MAGI1: variants seen among roughly 807,000 people sequenced by gnomAD.
MAGI1 encodes the protein membrane associated guanylate kinase, WW and PDZ domain containing 1.
A neutral mutation model predicts 139.9 loss-of-function variants in MAGI1; 58 were observed. The observed-to-expected ratio is 0.41, with a 90% CI of 0.34 to 0.52. The LOEUF (loss-of-function observed/expected upper bound fraction) is 0.52. MAGI1 is among the 20% of genes least tolerant of loss of function. The probability of loss-of-function intolerance (pLI) is 0.12; values close to 1 mark genes in which losing one functional copy is unlikely to be tolerated. For synonymous variants in MAGI1, 812 were observed against 737.9 expected (o/e 1.10, Z -1.63); for missense variants, 1,874 against 1,901.6 (o/e 0.99, Z 0.27).
At chr3:65,673,049 T>C (rs1195755133) in intron 1 of MAGI1, among the ~76,000 whole-genome samples, 1 of 152,124 alleles carries the variant, frequency 6.6e-6, no homozygotes, top group African/African-American at 2.4e-5. Context: ...GGGCATCACA[T>C]AAATGACCGC....
chr3:65,864,692 C>T (rs955211224), intron 1 of MAGI1, among the ~76,000 whole-genome samples: 2 of 152,036 alleles, frequency 1.3e-5, no homozygotes, highest in Non-Finnish European at 2.9e-5. Context: ...GCCTCCGTAA[C>T]TCTGCCACCT....
At chr3:65,496,599 G>C (rs763978071) in intron 2 of MAGI1, among the ~76,000 whole-genome samples, 2 of 152,130 alleles carry the variant, frequency 1.3e-5, no homozygotes, top group Non-Finnish European at 2.9e-5. Context: ...CCATCATCAA[G>C]GTATTAAGCG....
intron 12 of MAGI1, among the ~76,000 whole-genome samples, chr3:65,417,652 A>C (rs6779951): frequency 0.98 from 149,632 of 152,158 alleles, 73,614 homozygotes; most frequent in East Asian, 1. Flanking sequence ...GTATGATATC[A>C]TTGCCTTTCT....
intron 20 of MAGI1, 132 bp downstream of exon 20, chr3:65,364,533 T>C (rs1174847354): frequency 5.4e-6 from 4 of 744,788 alleles, no homozygotes; most frequent in African/African-American, 5.3e-5. Flanking sequence ...TAAGTATACG[T>C]TTGGTAAATC....
At chr3:66,033,611 C>A (rs1487978247) in intron 1 of MAGI1, among the ~76,000 whole-genome samples, 6 of 152,126 alleles carry the variant, frequency 3.9e-5, no homozygotes, top group Non-Finnish European at 7.4e-5. Context: ...AAACAAAAAA[C>A]CACACAAAGA....
chr3:65,592,772 T>C (rs191610586), intron 2 of MAGI1, among the ~76,000 whole-genome samples: 6 of 152,308 alleles, frequency 3.9e-5, no homozygotes, highest in Non-Finnish European at 5.9e-5. Flanking sequence ...TGCTTGACTT[T>C]TCTGCAAGCA....
At chr3:65,787,022 C>A (rs1390240) in intron 1 of MAGI1, among the ~76,000 whole-genome samples, 1 of 150,962 alleles carries the variant, frequency 6.6e-6, no homozygotes, top group Non-Finnish European at 1.5e-5. Context: ...CACAAGCACA[C>A]AACATTTCAT....
chr3:65,543,679 C>T (rs2079355409), intron 2 of MAGI1, among the ~76,000 whole-genome samples: 7 of 151,966 alleles, frequency 4.6e-5, no homozygotes, highest in Admixed American at 4.6e-4. Context: ...CATATTCTCA[C>T]TCATAAGTGG....
In MAGI1 at chr3:65,589,699, C is replaced by T. The variant is rs189244107; in HGVS notation, c.430+32273G>A. Among the ~76,000 whole-genome samples, 294 of 151,932 alleles carry T rather than the reference C, an allele frequency of 1.9e-3. 4 individuals carry two copies. The highest frequency in any genetic ancestry group is 6.9e-3 in the African/African-American group (286 of 41,440). On this transcript the variant is annotated intron_variant, in intron 2 of 22. Coordinates refer to ENST00000402939, the MANE Select transcript of MAGI1 (RefSeq NM_001033057.2). The stretch of plus-strand genomic sequence containing the variant: ...CAACACTCCCAATGTGGCATAAAAG[C>T]AGCCATAAAAAAAAATACAATAACC...
At chr3:65,530,624 G>GTGTGTGT (rs1204700107) in intron 2 of MAGI1, among the ~76,000 whole-genome samples, 2 of 129,282 alleles carry the variant, frequency 1.5e-5, no homozygotes, top group African/African-American at 6.4e-5. Context: ...ATGTGTGTGT[G>GTGTGTGT]GTGTGTGTGT....
At chr3:65,601,082 GCTGA>G (rs1340841211) in intron 2 of MAGI1, among the ~76,000 whole-genome samples, 12 of 152,202 alleles carry the variant, frequency 7.9e-5, no homozygotes, top group African/African-American at 2.7e-4. Context: ...CAGAGAAAGT[GCTGA>G]CTAAGTATTA....
At chr3:65,365,139 G>T (rs1481816198) in intron 18 of MAGI1, 193 bp from the exon 19 acceptor site, 1 of 748,974 alleles carries the variant, frequency 1.3e-6, no homozygotes, top group Admixed American at 1.7e-5. Flanking sequence ...TGTGGGTCAT[G>T]TATGTCCCCA....
chr3:65,436,338 T>C (rs886071376), intron 10 of MAGI1, among the ~76,000 whole-genome samples: 2 of 152,150 alleles, frequency 1.3e-5, no homozygotes, highest in Non-Finnish European at 2.9e-5. Flanking sequence ...CTGTCAAACA[T>C]GATGCTTGTT....
At chr3:65,942,017 G>A (rs1005642493) in intron 1 of MAGI1, among the ~76,000 whole-genome samples, 2 of 152,116 alleles carry the variant, frequency 1.3e-5, no homozygotes, top group Non-Finnish European at 2.9e-5. Context: ...GAACTCCTGG[G>A]CTCAAGTGAT....
intron 12 of MAGI1, among the ~76,000 whole-genome samples, chr3:65,416,975 G>C (rs1159872600): frequency 6.6e-6 from 1 of 152,108 alleles, no homozygotes; most frequent in African/African-American, 2.4e-5. Context: ...TCCAGATGGT[G>C]GTAAAGAACG....
At chr3:65,947,103 C>G (rs2063578588) in intron 1 of MAGI1, among the ~76,000 whole-genome samples, 1 of 152,102 alleles carries the variant, frequency 6.6e-6, no homozygotes, top group African/African-American at 2.4e-5. Flanking sequence ...AACTTATAAA[C>G]AAATAACATC....
At chr3:65,499,166 G>GAAA in intron 2 of MAGI1, 2 of 293,734 alleles carry the variant, frequency 6.8e-6, no homozygotes, top group Non-Finnish European at 1.0e-5. Context: ...TGGTCTCTAG[G>GAAA]AAAAAAAAAA....
intron 1 of MAGI1, among the ~76,000 whole-genome samples, chr3:65,962,122 AT>A (rs567359350): frequency 0.35 from 43,116 of 122,306 alleles, 6,654 homozygotes; most frequent in South Asian, 0.54. Context: ...ATCTGATTGT[AT>A]TTTTTTTTTT....
At chr3:65,702,774 C>G (rs1354105315) in intron 1 of MAGI1, among the ~76,000 whole-genome samples, 1 of 152,058 alleles carries the variant, frequency 6.6e-6, no homozygotes, top group Non-Finnish European at 1.5e-5. Context: ...AGGATCTGAA[C>G]TCCTTGAAAG....
Sources: gnomAD v4.1 joint callset for allele counts (sites outside exome capture counted in the v4.1 genomes callset) on GRCh38, gnomAD v4.1.1 for gene constraint, MANE v1.5 for transcripts, NCBI Gene and HGNC (gene_info 2026-07-23, HGNC 2026-07-21) for gene names.